LIPC: variants seen among roughly 807,000 people sequenced by gnomAD.
LIPC encodes hepatic triacylglycerol lipase.
A neutral mutation model predicts 50.7 loss-of-function variants in LIPC; 44 were observed. The ratio of observed to expected loss-of-function variants is 0.87; its 90% confidence interval spans 0.68 to 1.11. The LOEUF (loss-of-function observed/expected upper bound fraction) is 1.11. LIPC is among the 50% of genes most tolerant of loss of function. The pLI, the probability that LIPC is intolerant of heterozygous loss-of-function variation, is 0.00. For synonymous variants in LIPC, 271 were observed against 256.4 expected (o/e 1.06, Z -0.54); for missense variants, 697 against 648.2 (o/e 1.08, Z -0.82).
intron 1 of LIPC, among the ~76,000 whole-genome samples, chr15:58,502,293 C>A (rs924689087): frequency 6.6e-6 from 1 of 152,162 alleles, no homozygotes; most frequent in Admixed American, 6.5e-5. Flanking sequence ...GGAAACATTT[C>A]CATTCCTGTG....
chr15:58,453,388 C>T (rs899457133), intron 1 of LIPC, among the ~76,000 whole-genome samples: 7 of 152,146 alleles, frequency 4.6e-5, no homozygotes, highest in Admixed American at 1.3e-4. Context: ...TCCGCATTCT[C>T]GGTAAGTGAT....
chr15:58,523,603 C>T (rs1001069421), intron 1 of LIPC, among the ~76,000 whole-genome samples: 1 of 24,614 alleles, frequency 4.1e-5, no homozygotes, highest in African/African-American at 1.3e-4. Flanking sequence ...AGGAAACAAG[C>T]TGGGATTTTT....
intron 1 of LIPC, among the ~76,000 whole-genome samples, chr15:58,477,607 C>G (rs1355887456): frequency 6.6e-6 from 1 of 152,164 alleles, no homozygotes; most frequent in African/African-American, 2.4e-5. Flanking sequence ...TCCCTTTACC[C>G]TTGTAGAAGA....
At chr15:58,554,938 G>T (rs1342011000) in intron 6 of LIPC, among the ~76,000 whole-genome samples, 3 of 152,182 alleles carry the variant, frequency 2.0e-5, no homozygotes, top group African/African-American at 7.2e-5. Flanking sequence ...AGCCATCAGC[G>T]CAGGTTCCGT....
intron 8 of LIPC, 110 bp downstream of exon 8, chr15:58,563,833 C>T: frequency 1.1e-6 from 1 of 932,718 alleles, no homozygotes; most frequent in Admixed American, 2.0e-5. Context: ...TTATTAGGCC[C>T]TAGTGATGGA....
intron 1 of LIPC, among the ~76,000 whole-genome samples, chr15:58,515,297 A>G (rs1388490235): frequency 6.6e-6 from 1 of 152,168 alleles, no homozygotes; most frequent in African/African-American, 2.4e-5. Flanking sequence ...GGTGGTCATT[A>G]TTCAGCCTAC....
intron 1 of LIPC, among the ~76,000 whole-genome samples, chr15:58,528,684 T>A (rs924004322): frequency 6.6e-5 from 10 of 152,338 alleles, no homozygotes; most frequent in Admixed American, 5.9e-4. Context: ...CCCAAGCTCC[T>A]AACCGCTTCT....
At chr15:58,520,151 G>A (rs1201962339) in intron 1 of LIPC, among the ~76,000 whole-genome samples, 1 of 142,442 alleles carries the variant, frequency 7.0e-6, no homozygotes, top group African/African-American at 2.6e-5. Flanking sequence ...TAATTGAAGT[G>A]ATTGGTCTAG....
intron 1 of LIPC, among the ~76,000 whole-genome samples, chr15:58,508,238 G>C (rs1439902767): frequency 6.6e-6 from 1 of 152,058 alleles, no homozygotes; most frequent in African/African-American, 2.4e-5. Flanking sequence ...GTAGGGCCAA[G>C]GGTGGGGGGT....
At chr15:58,485,231 G>A (rs1400838548) in intron 1 of LIPC, among the ~76,000 whole-genome samples, 1 of 152,188 alleles carries the variant, frequency 6.6e-6, no homozygotes, top group Non-Finnish European at 1.5e-5. Context: ...CAAGGAGAGA[G>A]TTGATACTCC....
intron 8 of LIPC, among the ~76,000 whole-genome samples, chr15:58,567,793 A>G (rs1421122400): frequency 6.6e-6 from 1 of 152,204 alleles, no homozygotes; most frequent in Non-Finnish European, 1.5e-5. Flanking sequence ...GCCACTCAAT[A>G]TATGTAAATG....
intron 1 of LIPC, among the ~76,000 whole-genome samples, chr15:58,463,060 CCCTGGAGCAGCA>C (rs545103224): frequency 1.3e-3 from 200 of 152,338 alleles, no homozygotes; most frequent in African/African-American, 4.4e-3. Context: ...CGTGGACTGC[CCCTGGAGCAGCA>C]CTGGGGGTGT....
intron 4 of LIPC, 88 bp from the exon 5 acceptor site, chr15:58,545,654 A>G (rs1202477447): frequency 4.6e-6 from 5 of 1,086,124 alleles, no homozygotes; most frequent in Admixed American, 1.9e-5. Context: ...TAGTTCACTG[A>G]TGTATAATAA....
chr15:58,477,297 G>A (rs547662377), intron 1 of LIPC, among the ~76,000 whole-genome samples: 5 of 152,324 alleles, frequency 3.3e-5, no homozygotes, highest in African/African-American at 7.2e-5. Context: ...CGTGAGCCAC[G>A]TTGTAGCTGG....
At chr15:58,536,263 G>A (rs1166141068) in intron 1 of LIPC, among the ~76,000 whole-genome samples, 1 of 152,168 alleles carries the variant, frequency 6.6e-6, no homozygotes, top group African/African-American at 2.4e-5. Flanking sequence ...ATCCAAAAGG[G>A]CATTTGGGAA....
At chr15:58,517,858 C>A (rs1309741807) in intron 1 of LIPC, among the ~76,000 whole-genome samples, 1 of 152,212 alleles carries the variant, frequency 6.6e-6, no homozygotes, top group Non-Finnish European at 1.5e-5. Context: ...GGCGTCACAG[C>A]TCCTAAGTGA....
chr15:58,439,722 G>A (rs755874927), intron 1 of LIPC, among the ~76,000 whole-genome samples: 2 of 152,204 alleles, frequency 1.3e-5, no homozygotes, highest in East Asian at 1.9e-4. Context: ...GATTACAGGC[G>A]TGAGCCACCG....
chr15:58,436,357 G>A (rs1453375310), intron 1 of LIPC: 1 of 199,224 alleles, frequency 5.0e-6, no homozygotes, highest in African/African-American at 2.4e-5. Context: ...CTTCTCATAT[G>A]TGTTTAAAAT....
intron 1 of LIPC, among the ~76,000 whole-genome samples, chr15:58,432,873 G>A (rs772450348): frequency 4.6e-5 from 7 of 152,180 alleles, no homozygotes; most frequent in Non-Finnish European, 7.3e-5. Flanking sequence ...AGCTAGTAAC[G>A]CTAAGGTAGA....
Sources: gnomAD v4.1 joint callset for allele counts (sites outside exome capture counted in the v4.1 genomes callset) on GRCh38, gnomAD v4.1.1 for gene constraint, MANE v1.5 for transcripts, NCBI Gene and HGNC (gene_info 2026-07-23, HGNC 2026-07-21) for gene names.